Variants in HACE1 observed in about 807,000 individuals in gnomAD.
The protein encoded by HACE1 is E3 ubiquitin-protein ligase HACE1.
HACE1 carries 73 observed loss-of-function variants against 118.4 expected under a neutral mutation model. That is an observed-to-expected ratio of 0.62 (90% confidence interval 0.51 to 0.75). The LOEUF is 0.75. Among genes scored for constraint, HACE1 ranks in the 30% least tolerant of loss-of-function variants. The probability of loss-of-function intolerance (pLI) is 0.00; values close to 1 mark genes in which losing one functional copy is unlikely to be tolerated. For synonymous variants in HACE1, 368 were observed against 374.8 expected, an observed-to-expected ratio of 0.98 and a Z score of 0.21; for missense variants, 749 against 1,102.2, an observed-to-expected ratio of 0.68 and a Z score of 4.54.
chr6:104,805,722 G>A (rs902010886), intron 7 of HACE1, among the ~76,000 whole-genome samples: 2 of 152,150 alleles, frequency 1.3e-5, no homozygotes, highest in African/African-American at 4.8e-5. Flanking sequence ...GGGGGCTGGG[G>A]GAGGGATAGC....
intron 6 of HACE1, among the ~76,000 whole-genome samples, chr6:104,812,566 C>T (rs1771744466): frequency 6.6e-6 from 1 of 151,854 alleles, no homozygotes; most frequent in African/African-American, 2.4e-5. Flanking sequence ...AAACTAAACA[C>T]CCAAAGGAAG....
chr6:104,800,955 G>A (rs1458895174), intron 7 of HACE1, among the ~76,000 whole-genome samples: 3 of 152,116 alleles, frequency 2.0e-5, no homozygotes, highest in African/African-American at 7.2e-5. Flanking sequence ...TCACAAGGAA[G>A]CTAAAAACCT....
intron 7 of HACE1, among the ~76,000 whole-genome samples, chr6:104,800,475 A>C (rs1467181947): frequency 6.6e-6 from 1 of 152,146 alleles, no homozygotes; most frequent in East Asian, 1.9e-4. Flanking sequence ...GGCAACAGAC[A>C]CCTCATATAG....
At chr6:104,831,423 A>G (rs559816298) in intron 6 of HACE1, 3 of 151,970 alleles carry the variant, frequency 2.0e-5, no homozygotes, top group East Asian at 3.9e-4. Flanking sequence ...CATCTCTACT[A>G]AAAATACAAA....
At chr6:104,828,164 C>T (rs577108851) in intron 6 of HACE1, among the ~76,000 whole-genome samples, 1 of 151,970 alleles carries the variant, frequency 6.6e-6, no homozygotes, top group South Asian at 2.1e-4. Flanking sequence ...GTCCAAAAAG[C>T]GTTAATAAAT....
chr6:104,762,850 C>T (rs759815127), intron 19 of HACE1, among the ~76,000 whole-genome samples: 1 of 151,860 alleles, frequency 6.6e-6, no homozygotes, highest in Non-Finnish European at 1.5e-5. Flanking sequence ...ATTAGCCTGG[C>T]ATGATGGTGG....
Position 104,794,910 on chromosome 6 carries a change from A to T in HACE1, c.923+669T>A, listed in dbSNP as rs373759358. On this transcript the variant is annotated intron_variant, in intron 10 of 23. Transcript: ENST00000262903. ...GCGAGACTCTGTCTCAAAAAAAAAAAAATAATTGTATATATGTGTGTGTGT... is the reference window on the plus strand; with the variant it reads ...GCGAGACTCTGTCTCAAAAAAAAAATAATAATTGTATATATGTGTGTGTGT... 3.8e-4 allele frequency among the ~76,000 whole-genome samples: 58 copies of T among 152,256 alleles called. No individual in the cohort carries two copies. In the East Asian group the frequency reaches 9.7e-3, roughly 25 times the overall value.
chr6:104,766,564 T>C (rs1022829781), intron 19 of HACE1, among the ~76,000 whole-genome samples: 35 of 152,182 alleles, frequency 2.3e-4, no homozygotes, highest in African/African-American at 8.0e-4. Context: ...GTTAAATAAA[T>C]CATGCAAAGC....
intron 6 of HACE1, among the ~76,000 whole-genome samples, chr6:104,817,366 G>T (rs1378583758): frequency 6.6e-6 from 1 of 152,006 alleles, no homozygotes; most frequent in Non-Finnish European, 1.5e-5. Flanking sequence ...AGTCCTGTAG[G>T]TTTAAAAGTG....
Position 104,729,439 on chromosome 6 carries a change from A to T in HACE1, c.*223T>A, listed in dbSNP as rs958858586. On this transcript the variant is annotated 3_prime_UTR_variant, in exon 24 of 24. Transcript: ENST00000262903. ...CTATTACTTTCAGTTAGCATTTTAAAAAATAAAATCTACTGTGATTTTATA... is the reference window on the plus strand; with the variant it reads ...CTATTACTTTCAGTTAGCATTTTAATAAATAAAATCTACTGTGATTTTATA... 1 of 547,836 alleles carries T rather than the reference A, an allele frequency of 1.8e-6. No homozygotes were observed. Among genetic ancestry groups the T allele is most frequent in the Non-Finnish European group, 3.3e-6 (1 of 307,634 alleles). 33.9% of individuals were successfully genotyped at this position (547,836 alleles called of 1,614,324 possible).
intron 1 of HACE1, among the ~76,000 whole-genome samples, chr6:104,856,245 A>G (rs573083929): frequency 1.1e-4 from 17 of 152,338 alleles, no homozygotes; most frequent in African/African-American, 4.1e-4. Flanking sequence ...AACAAAAAAA[A>G]GGTGCTCAGA....
At chr6:104,778,198 T>C (rs1481597634) in intron 14 of HACE1, among the ~76,000 whole-genome samples, 1 of 152,198 alleles carries the variant, frequency 6.6e-6, no homozygotes, top group Non-Finnish European at 1.5e-5. Context: ...TCTCTCCCTT[T>C]TGTTCATCTG....
intron 14 of HACE1, among the ~76,000 whole-genome samples, chr6:104,781,648 T>G (rs1781756027): frequency 6.6e-6 from 1 of 152,136 alleles, no homozygotes; most frequent in Non-Finnish European, 1.5e-5. Flanking sequence ...CCTTGGTATG[T>G]AACCAATCTC....
intron 7 of HACE1, among the ~76,000 whole-genome samples, chr6:104,803,946 A>G (rs2114927196): frequency 6.6e-6 from 1 of 152,328 alleles, no homozygotes; most frequent in South Asian, 2.1e-4. Flanking sequence ...AGATGACATG[A>G]TTGTATATTT....
intron 4 of HACE1, among the ~76,000 whole-genome samples, chr6:104,846,690 T>G (rs1163320612): frequency 1.3e-5 from 2 of 151,602 alleles, no homozygotes; most frequent in Non-Finnish European, 2.9e-5. Flanking sequence ...ACCAACAAAA[T>G]GGGAAGAACT....
At chr6:104,812,963 A>T (rs1291940010) in intron 6 of HACE1, among the ~76,000 whole-genome samples, 1 of 87,592 alleles carries the variant, frequency 1.1e-5, no homozygotes, top group African/African-American at 5.7e-5. Context: ...CACAAAGTGA[A>T]CAGGGAGGCT....
intron 6 of HACE1, among the ~76,000 whole-genome samples, chr6:104,816,582 T>A (rs1772137627): frequency 6.7e-6 from 1 of 148,588 alleles, no homozygotes; most frequent in Non-Finnish European, 1.5e-5. Flanking sequence ...CAGGAAGAAG[T>A]CTGCTGCAGG....
intron 22 of HACE1, among the ~76,000 whole-genome samples, chr6:104,736,354 G>A (rs1368043954): frequency 2.0e-5 from 3 of 151,628 alleles, no homozygotes; most frequent in South Asian, 2.1e-4. Context: ...GTGCAATCTC[G>A]GCTCACTGCA....
At position 104,850,979 on chromosome 6, in the gene HACE1, A is replaced by G; in HGVS notation, c.149T>C (p.Leu50Pro). 1 of 1,602,184 alleles carries G rather than the reference A, an allele frequency of 6.2e-7. No individual in the cohort carries two copies. Among genetic ancestry groups the G allele is most frequent in the South Asian group, 1.1e-5 (1 of 90,844 alleles). ...ADQHRSVSEL[L>P]SNSKFDVNYA... is the part of the protein sequence containing the mutation. ...ATTGACATCAAATTTTGAATTTGAT[A>G]GTAGTTCAGAAACAGACCTATGCCA... Residue 50 changes from leucine to proline, a missense_variant, in exon 3 of 24, where the codon CTA becomes CCA. Around this residue, in one of 5 missense-constraint regions of HACE1, gnomAD observed 120 missense variants for 219.1 expected, o/e 0.55. Transcript: ENST00000262903.
Sources: allele counts gnomAD v4.1 joint callset (sites outside exome capture counted in the v4.1 genomes callset), GRCh38; gene constraint gnomAD v4.1.1; regional missense constraint gnomAD v4.1.1; transcripts MANE v1.5; gene names NCBI Gene and HGNC (gene_info 2026-07-23, HGNC 2026-07-21).